Variants in ATP8B3 observed in about 807,000 individuals in gnomAD.
ATP8B3 encodes ATPase phospholipid transporting 8B3, also known as phospholipid-transporting ATPase IK.
Under a neutral mutation model 140.9 loss-of-function variants are expected in ATP8B3, and 141 were observed. That is an observed-to-expected ratio of 1.00 (90% CI 0.87 to 1.15). The LOEUF is 1.15. Ranked by LOEUF, ATP8B3 falls within the 50% of genes most tolerant of loss-of-function variation. ATP8B3 has a pLI of 0.00. For synonymous variants in ATP8B3, 765 were observed against 714.6 expected, an observed-to-expected ratio of 1.07 and a Z score of -1.13; for missense variants, 1,874 against 1,740.6, an observed-to-expected ratio of 1.08 and a Z score of -1.36.
At position 1,811,548 on chromosome 19, in the gene ATP8B3, A is replaced by G. The variant is rs12609187; in HGVS notation, c.189T>C (p.Pro63=). 1,341,981 of 1,611,848 alleles carry G rather than the reference A, an allele frequency of 0.83. 559,408 individuals carry two copies. The highest frequency in any genetic ancestry group is 0.9 in the African/African-American group (67,251 of 75,018). The change falls in exon 2 of 29, where the codon CCT becomes CCC. Residue 63 remains proline, a synonymous_variant. Transcript: ENST00000310127. Reference sequence around the variant, plus strand: ...CAGGCTGGGCCTTGTGCCTCCTCTCAGGTGCCCCTCTGCCTGGGGAGTCTC... The same window carrying G: ...CAGGCTGGGCCTTGTGCCTCCTCTCGGGTGCCCCTCTGCCTGGGGAGTCTC... ...GMGDSPGRGA[P]ERRHKAQPGR...
At chr19:1,797,473 TTTATTTATTTA>T (rs1568640798) in intron 14 of ATP8B3, among the ~76,000 whole-genome samples, 4 of 54,124 alleles carry the variant, frequency 7.4e-5, no homozygotes, top group East Asian at 2.3e-3. Context: ...TTTATTTTTA[TTTATTTATTTA>T]TTTATTTATT....
rs1177242451 is a variant in ATP8B3, at chr19:1,806,859, C to CCA, written c.616-171_616-170insTG. On this transcript the variant is annotated intron_variant, in intron 6 of 28. Transcript: ENST00000310127. The surrounding 1 kb of genome is among the most constrained non-coding windows in gnomAD (Gnocchi z 5.6). Reference sequence around the variant, plus strand: ...GATCCCGGACGTGGGGGCCACTGGACCCACTGCTATTGGCGGGGAGAAGAC... The same window carrying CCA: ...GATCCCGGACGTGGGGGCCACTGGACCACCACTGCTATTGGCGGGGAGAAGAC... 1.3e-5 allele frequency among the ~76,000 whole-genome samples: 2 copies of CCA among 152,108 alleles called. No individual in the cohort carries two copies. The highest frequency in any genetic ancestry group is 4.8e-5 in the African/African-American group (2 of 41,408).
chr19:1,796,407 G>C (rs1290376450), intron 16 of ATP8B3, 142 bp from the exon 17 acceptor site: 1 of 855,578 alleles, frequency 1.2e-6, no homozygotes, highest in Admixed American at 2.8e-5. Flanking sequence ...CCAATGCATG[G>C]AGGTGAGCAC....
chr19:1,789,073 C>T lies in ATP8B3; in HGVS notation c.2893G>A (p.Val965Ile). The T allele has an allele frequency of 5.0e-6, 8 of 1,593,000 alleles. No homozygotes were observed. Among genetic ancestry groups the T allele is most frequent in the Non-Finnish European group, 6.8e-6 (8 of 1,173,304 alleles). ...CCGAGCACGAAGTCGCTGTTCTGAACTGCCTGCATGCCCTCCTGGCCCGCC... is the reference window on the plus strand; with the variant it reads ...CCGAGCACGAAGTCGCTGTTCTGAATTGCCTGCATGCCCTCCTGGCCCGCC... ...GLAGQEGMQA[V>I]QNSDFVLGQF... The change falls in exon 24 of 29, where the codon GTT becomes ATT. Residue 965 changes from valine to isoleucine, a missense_variant. By Grantham distance (29) the Val-to-Ile change is conservative. Transcript: ENST00000310127.
At chr19:1,796,575 G>C (rs1200921939) in intron 16 of ATP8B3, 136 bp downstream of exon 16, 1 of 1,164,106 alleles carries the variant, frequency 8.6e-7, no homozygotes, top group Non-Finnish European at 1.2e-6. Flanking sequence ...AGGTGCGGCT[G>C]GTGTCACACC....
In ATP8B3 at chr19:1,785,580, G is replaced by A; in HGVS notation, c.3282C>T (p.Phe1094=). ...CGCGGCTGATCCACAGTGTCATGAA[G>A]AAGTTGACCAGAGAGGTGGTCACAC... ...AHGVTTSLVN[F]FMTLWISRDT... is the part of the protein sequence containing the mutation. The change falls in exon 26 of 29, where the codon TTC becomes TTT. Residue 1094 remains phenylalanine (F), a synonymous_variant. Transcript: ENST00000310127. 1 of 1,613,216 alleles carries A rather than the reference G, an allele frequency of 6.2e-7. No individual in the cohort carries two copies. Among genetic ancestry groups the A allele is most frequent in the African/African-American group, 1.3e-5 (1 of 75,076 alleles).
chr19:1,795,252 C>A (rs1329721119), intron 18 of ATP8B3, among the ~76,000 whole-genome samples: 5 of 151,370 alleles, frequency 3.3e-5, no homozygotes, highest in African/African-American at 9.7e-5. Flanking sequence ...AAGACTCCCT[C>A]TCAAAAAAGA....
chr19:1,797,754 C>T (rs1016752466), intron 14 of ATP8B3, among the ~76,000 whole-genome samples: 1 of 151,844 alleles, frequency 6.6e-6, no homozygotes, highest in Non-Finnish European at 1.5e-5. Context: ...CCCGCCTCAG[C>T]CTCCCAAAGT....
At position 1,800,024 on chromosome 19, in the gene ATP8B3, A is replaced by G. The variant is rs1247603004; in HGVS notation, c.1475T>C (p.Ile492Thr). The G allele has an allele frequency of 1.2e-6, 2 of 1,605,606 alleles. No individual in the cohort carries two copies. The highest frequency in any genetic ancestry group is 3.4e-5 in the Admixed American group (2 of 59,062). ...LNDHLGQVEY[I>T]FSDKTGTLTQ... ...GAGCGTGCCCGTCTTGTCCGAGAAG[A>G]TGTATTCCACCTGGCCCAGGTGGTC... The change falls in exon 14 of 29, where the codon ATC becomes ACC. Residue 492 changes from isoleucine (I) to threonine (T), a missense_variant. This residue lies in a region of ATP8B3 where 1,032 missense variants were observed against 963.6 expected (regional missense o/e 1.07). Coordinates refer to ENST00000310127, the MANE Select transcript of ATP8B3 (RefSeq NM_138813.4). The surrounding 1 kb of genome is among the most constrained non-coding windows in gnomAD (Gnocchi z 4.4).
Position 1,788,896 on chromosome 19 carries a change from C to T in ATP8B3, c.3069+1G>A. 1.9e-6 allele frequency: 3 copies of T among 1,583,526 alleles called. No individual in the cohort carries two copies. Among genetic ancestry groups the T allele is most frequent in the South Asian group, 1.2e-5 (1 of 86,754 alleles). On this transcript the variant is annotated splice_donor_variant, in intron 24 of 28. Transcript: ENST00000310127. LOFTEE classifies it high-confidence loss of function. ...TGGGGCAGCCAGGGTGGGGGACGCA[C>T]CTGGCCGGTGAAGCCGTTGTAGCAG... is the stretch of plus-strand genomic sequence containing the variant.
intron 25 of ATP8B3, among the ~76,000 whole-genome samples, chr19:1,785,918 G>A (rs2068291723): frequency 6.6e-6 from 1 of 151,958 alleles, no homozygotes; most frequent in South Asian, 2.1e-4. Context: ...ATCGCTTAAG[G>A]CCAGGAGTTT....
At position 1,789,376 on chromosome 19, in the gene ATP8B3, TGTC is replaced by T; in HGVS notation, c.2827_2829del (p.Asp943del). On this transcript the variant is annotated inframe_deletion, in exon 23 of 29. Transcript: ENST00000310127. ...CGCCACCCACTCTTGATCATGTTGA[TGTC>T]GTTGGCACCGTCCCCGATGGCCAGG... is the stretch of plus-strand genomic sequence containing the variant. The T allele has an allele frequency of 1.3e-6, 2 of 1,563,836 alleles. No homozygotes were observed. The highest frequency in any genetic ancestry group is 1.7e-6 in the Non-Finnish European group (2 of 1,157,270).
chr19:1,788,444 G>C (rs554806217), intron 24 of ATP8B3, among the ~76,000 whole-genome samples: 1 of 152,270 alleles, frequency 6.6e-6, no homozygotes, highest in East Asian at 1.9e-4. Context: ...GAGGTCAGGA[G>C]TTCGAGACCA....
At chr19:1,795,736 C>G in intron 18 of ATP8B3, 139 bp downstream of exon 18, 1 of 847,920 alleles carries the variant, frequency 1.2e-6, no homozygotes, top group Non-Finnish European at 1.8e-6. Context: ...CTGCAGCCTT[C>G]CATTTCTCCG....
intron 24 of ATP8B3, among the ~76,000 whole-genome samples, chr19:1,788,488 A>G (rs1399206095): frequency 6.6e-6 from 1 of 152,156 alleles, no homozygotes; most frequent in East Asian, 1.9e-4. Context: ...TGTCTCTGCT[A>G]AAAATACAAA....
Position 1,800,455 on chromosome 19 carries a change from A to C in ATP8B3, c.1153-6T>G. ...AGCACCACGGAGATGAAGATCTGGAAGGCAGACGCGACAGGGTGGGTGAGG... is the reference window on the plus strand; with the variant it reads ...AGCACCACGGAGATGAAGATCTGGACGGCAGACGCGACAGGGTGGGTGAGG... On this transcript the variant is annotated splice_region_variant and splice_polypyrimidine_tract_variant and intron_variant, in intron 12 of 28. Coordinates refer to ENST00000310127, the MANE Select transcript of ATP8B3 (RefSeq NM_138813.4). This position sits in a 1 kb window ranked among gnomAD's most constrained non-coding sequence, Gnocchi z 4.4. 7.4e-7 allele frequency: 1 copy of C among 1,359,810 alleles called. No individual in the cohort carries two copies. The allele number at this position is 1,359,810 out of a possible 1,614,324, so 84.2% of individuals were successfully genotyped here.
In ATP8B3 at chr19:1,801,938, C is replaced by T; in HGVS notation, c.1152+18G>A. 6.3e-7 allele frequency: 1 copy of T among 1,594,156 alleles called. No individual in the cohort carries two copies. The highest frequency in any genetic ancestry group is 1.7e-4 in the Middle Eastern group (1 of 6,032). ...CTCCTCTGTGTTCCTGGGGCAGGGGCACTTGTTGGCAGCTCACCACAACCA... is the reference window on the plus strand; with the variant it reads ...CTCCTCTGTGTTCCTGGGGCAGGGGTACTTGTTGGCAGCTCACCACAACCA... On this transcript the variant is annotated intron_variant, in intron 12 of 28. Coordinates refer to ENST00000310127, the MANE Select transcript of ATP8B3 (RefSeq NM_138813.4).
Position 1,805,947 on chromosome 19 carries a change from G to C in ATP8B3, c.762C>G (p.Leu254=). Reference sequence around the variant, plus strand: ...TGCTGGGCTCCGTGCTGGCCAGCAAGAGCATGTCGGCCTGGTGTGGAGTGG... The same window carrying C: ...TGCTGGGCTCCGTGCTGGCCAGCAACAGCATGTCGGCCTGGTGTGGAGTGG... ...RKDNIVPADM[L]LLASTEPSSL... Residue 254 remains leucine, a synonymous_variant, in exon 9 of 29, where the codon CTC becomes CTG. Transcript: ENST00000310127. The surrounding 1 kb of genome is among the most constrained non-coding windows in gnomAD (Gnocchi z 5.2). The C allele has an allele frequency of 6.2e-7, 1 of 1,611,192 alleles. No homozygotes were observed. The highest frequency in any genetic ancestry group is 8.5e-7 in the Non-Finnish European group (1 of 1,178,456).
At position 1,806,508 on chromosome 19, in the gene ATP8B3, A is replaced by G. The variant is rs1018577725; in HGVS notation, c.677+120T>C. On this transcript the variant is annotated intron_variant, in intron 7 of 28. Transcript: ENST00000310127. This position sits in a 1 kb window ranked among gnomAD's most constrained non-coding sequence, Gnocchi z 5.6. ...TGAATGCAGGCCCGGTTCCTGTCGGACTCAACCAGCCGGGAGATCAGGGAG... is the reference window on the plus strand; with the variant it reads ...TGAATGCAGGCCCGGTTCCTGTCGGGCTCAACCAGCCGGGAGATCAGGGAG... The G allele has an allele frequency of 1.3e-6, 2 of 1,501,722 alleles. No homozygotes were observed. The highest frequency in any genetic ancestry group is 2.1e-5 in the Admixed American group (1 of 47,464). The allele number at this position is 1,501,722 out of a possible 1,614,324, so 93.0% of individuals were successfully genotyped here. A position where few individuals can be genotyped will look rare whatever the true frequency, so the allele number is the denominator to read the frequency against.
Sources: allele counts gnomAD v4.1 joint callset (sites outside exome capture counted in the v4.1 genomes callset), GRCh38; gene constraint gnomAD v4.1.1; regional missense constraint gnomAD v4.1.1; non-coding constraint Gnocchi (gnomAD v3.1); transcripts MANE v1.5; gene names NCBI Gene and HGNC (gene_info 2026-07-23, HGNC 2026-07-21).